Variants in ZBBX observed in about 807,000 individuals in gnomAD.
The protein encoded by ZBBX is zinc finger B-box domain-containing protein 1.
In ZBBX, 101 loss-of-function variants were observed where a neutral mutation model predicts 108.5. That is an observed-to-expected ratio of 0.93 (90% CI 0.79 to 1.10). The LOEUF (loss-of-function observed/expected upper bound fraction) is 1.10. ZBBX is among the 50% of genes least tolerant of loss of function. The pLI is 0.00. For synonymous variants in ZBBX, 356 were observed against 323.4 expected, an observed-to-expected ratio of 1.10 and a Z score of -1.08; for missense variants, 1,009 against 941.4, an observed-to-expected ratio of 1.07 and a Z score of -0.94.
intron 20 of ZBBX, among the ~76,000 whole-genome samples, chr3:167,250,822 C>A (rs1456406543): frequency 2.0e-5 from 3 of 152,052 alleles, no homozygotes; most frequent in African/African-American, 7.2e-5. Context: ...CTCCCTTGGA[C>A]CTAGGTGACA....
chr3:167,353,273 T>C (rs1165158782), intron 8 of ZBBX, among the ~76,000 whole-genome samples: 1 of 152,084 alleles, frequency 6.6e-6, no homozygotes, highest in Non-Finnish European at 1.5e-5. Context: ...AAGAAAATAT[T>C]GTAAGATATA....
At chr3:167,389,339 T>A (rs142427136) in intron 1 of ZBBX, among the ~76,000 whole-genome samples, 1 of 152,158 alleles carries the variant, frequency 6.6e-6, no homozygotes, top group African/African-American at 2.4e-5. Context: ...TAGTACTCCA[T>A]GGTGTATATG....
the ZBBX span, among the ~76,000 whole-genome samples, chr3:167,182,378 C>A: frequency 6.6e-6 from 1 of 152,290 alleles, no homozygotes; most frequent in African/African-American, 2.4e-5. Context: ...CACTATATCC[C>A]GAGCAGCCAA....
chr3:167,235,334 T>G (rs1329192664), downstream of ZBBX, among the ~76,000 whole-genome samples: 1 of 151,718 alleles, frequency 6.6e-6, no homozygotes, highest in Non-Finnish European at 1.5e-5. Context: ...AACAAAATGT[T>G]ATCCTATAAA....
chr3:167,343,364 G>T (rs1158389661), intron 9 of ZBBX, among the ~76,000 whole-genome samples: 1 of 151,726 alleles, frequency 6.6e-6, no homozygotes, highest in Non-Finnish European at 1.5e-5. Flanking sequence ...TCTGTCATTT[G>T]CTGCTGTAAT....
At position 167,360,727 on chromosome 3, in the gene ZBBX, T is replaced by C. The variant is rs558584152; in HGVS notation, c.274-4A>G. 6.5e-6 allele frequency: 9 copies of C among 1,379,516 alleles called. No homozygotes were observed. Among genetic ancestry groups the C allele is most frequent in the Non-Finnish European group, 7.6e-6 (8 of 1,053,290 alleles). The allele number at this position is 1,379,516 out of a possible 1,614,324, so 85.5% of individuals were successfully genotyped here. On this transcript the variant is annotated splice_region_variant and splice_polypyrimidine_tract_variant and intron_variant, in intron 6 of 21. Coordinates refer to ENST00000675490, the MANE Select transcript of ZBBX (RefSeq NM_001199201.2). ...ATTTCACTTTTCCAGCAGAAAACTG[T>C]ATTAATAAAATAGATACTATTTGTC...
At chr3:167,262,880 G>A (rs1373576885) in intron 20 of ZBBX, among the ~76,000 whole-genome samples, 4 of 151,942 alleles carry the variant, frequency 2.6e-5, no homozygotes, top group African/African-American at 9.7e-5. Context: ...TTAAAGGTTT[G>A]TCAATTTTCT....
At chr3:167,319,082 C>T (rs933634760) in intron 12 of ZBBX, among the ~76,000 whole-genome samples, 3 of 151,980 alleles carry the variant, frequency 2.0e-5, no homozygotes, top group Non-Finnish European at 4.4e-5. Flanking sequence ...TACCATATAG[C>T]CCACCTATCA....
At position 167,331,759 on chromosome 3, in the gene ZBBX, T is replaced by A. The variant is rs544454728; in HGVS notation, c.687+2068A>T. The A allele has an allele frequency of 7.1e-4, 198 of 280,182 alleles. 1 individual carries two copies. Among genetic ancestry groups the A allele is most frequent in the South Asian group, 1.6e-3 (12 of 7,294 alleles). 17.4% of individuals were successfully genotyped at this position (280,182 alleles called of 1,614,324 possible). On this transcript the variant is annotated intron_variant, in intron 10 of 21. Transcript: ENST00000675490. ...TTCATTACCCTGTAAGCACATGATATCCCTGTAAGATGATGTGTTTTAATA... is the reference window on the plus strand; with the variant it reads ...TTCATTACCCTGTAAGCACATGATAACCCTGTAAGATGATGTGTTTTAATA...
At chr3:167,280,281 CAAAA>C (rs879821838) in intron 20 of ZBBX, among the ~76,000 whole-genome samples, 1 of 130,478 alleles carries the variant, frequency 7.7e-6, no homozygotes. Context: ...TTCTGCACAG[CAAAA>C]AAAAAAAAAC....
At chr3:167,362,085 G>C (rs964076534) in intron 6 of ZBBX, among the ~76,000 whole-genome samples, 3 of 152,086 alleles carry the variant, frequency 2.0e-5, no homozygotes, top group African/African-American at 7.2e-5. Context: ...GTTAGGGAAA[G>C]GGTTGGAGGT....
At position 167,349,584 on chromosome 3, in the gene ZBBX, C is replaced by G. The variant is rs200490005; in HGVS notation, c.528+836G>C. ...ATTTATTAGCATGTTCAGGTAAACG[C>G]AAAGATTGAAATCTACCAGTAATCT... On this transcript the variant is annotated intron_variant, in intron 9 of 21. Transcript: ENST00000675490. Among the ~76,000 whole-genome samples, 26 of 152,058 alleles carry G rather than the reference C, an allele frequency of 1.7e-4. No homozygotes were observed. In the East Asian group the frequency reaches 4.3e-3, roughly 25 times the overall value.
chr3:167,343,950 A>C (rs1740997686), intron 9 of ZBBX, among the ~76,000 whole-genome samples: 1 of 152,020 alleles, frequency 6.6e-6, no homozygotes, highest in African/African-American at 2.4e-5. Flanking sequence ...TATAATAGCC[A>C]AAAGGTGGAA....
At chr3:167,327,726 CA>C (rs1196954301) in intron 11 of ZBBX, among the ~76,000 whole-genome samples, 2 of 151,854 alleles carry the variant, frequency 1.3e-5, no homozygotes, top group African/African-American at 4.8e-5. Flanking sequence ...CCAGCCTGCC[CA>C]ACATGGCAAA....
intron 6 of ZBBX, among the ~76,000 whole-genome samples, chr3:167,363,131 CA>C (rs1744788819): frequency 6.6e-6 from 1 of 151,962 alleles, no homozygotes; most frequent in Non-Finnish European, 1.5e-5. Flanking sequence ...CAACCTCAAT[CA>C]CCTTATCTCT....
At chr3:167,246,692 A>G (rs1721624903) in intron 20 of ZBBX, among the ~76,000 whole-genome samples, 1 of 152,242 alleles carries the variant, frequency 6.6e-6, no homozygotes, top group African/African-American at 2.4e-5. Context: ...AAAGTGCATT[A>G]TTACTAATAC....
the ZBBX span, among the ~76,000 whole-genome samples, chr3:167,234,370 G>A: frequency 6.6e-6 from 1 of 151,818 alleles, no homozygotes; most frequent in South Asian, 2.1e-4. Flanking sequence ...CTTTGCAAAA[G>A]CAGATTGGAT....
At chr3:167,178,571 C>T in the ZBBX span, among the ~76,000 whole-genome samples, 1 of 152,146 alleles carries the variant, frequency 6.6e-6, no homozygotes, top group East Asian at 1.9e-4. Flanking sequence ...TCAGGTTCCT[C>T]CCAGAATCTC....
chr3:167,188,423 C>T, the ZBBX span, among the ~76,000 whole-genome samples: 7 of 152,062 alleles, frequency 4.6e-5, no homozygotes, highest in African/African-American at 7.2e-5. Context: ...ACAAGGGAAA[C>T]ATTTATAACG....
Sources: allele counts gnomAD v4.1 joint callset (sites outside exome capture counted in the v4.1 genomes callset), GRCh38; gene constraint gnomAD v4.1.1; transcripts MANE v1.5; gene names NCBI Gene and HGNC (gene_info 2026-07-23, HGNC 2026-07-21).